FAM227A: variants seen among roughly 807,000 people sequenced by gnomAD.
The protein encoded by FAM227A is protein FAM227A.
A neutral mutation model predicts 74.7 loss-of-function variants in FAM227A; 80 were observed. The observed-to-expected ratio is 1.07, with a 90% CI of 0.89 to 1.29. The LOEUF (loss-of-function observed/expected upper bound fraction) is 1.29, where lower values mean the gene tolerates loss of function less well. Ranked by LOEUF, FAM227A falls within the 50% of genes most tolerant of loss-of-function variation. The pLI, the probability that FAM227A is intolerant of heterozygous loss-of-function variation, is 0.00. For synonymous variants in FAM227A, 237 were observed against 241.8 expected, an observed-to-expected ratio of 0.98 and a Z score of 0.19; for missense variants, 654 against 683.4, an observed-to-expected ratio of 0.96 and a Z score of 0.48.
At chr22:38,641,332 G>A (rs1217151548) in intron 3 of FAM227A, among the ~76,000 whole-genome samples, 1 of 152,106 alleles carries the variant, frequency 6.6e-6, no homozygotes, top group Non-Finnish European at 1.5e-5. Context: ...TTGCATTAGA[G>A]ATGCTTATTT....
At chr22:38,600,044 C>G (rs1303461751) in intron 13 of FAM227A, 123 bp from the exon 14 acceptor site, 1 of 929,964 alleles carries the variant, frequency 1.1e-6, no homozygotes, top group Non-Finnish European at 1.5e-6. Flanking sequence ...TAGGATGCAC[C>G]CTAAGAAAAT....
chr22:38,599,831 A>C lies in FAM227A; in HGVS notation c.1312T>G (p.Tyr438Asp). ...SPLIVYFLQN[Y>D]ASLQQHGKNV... Reference sequence around the variant, plus strand: ...TTGCCGTGCTGCTGCAGACTGGCATAGTTCTGGAGAAAGTACACAATCAGA... The same window carrying C: ...TTGCCGTGCTGCTGCAGACTGGCATCGTTCTGGAGAAAGTACACAATCAGA... Residue 438 changes from tyrosine to aspartate, a missense_variant, in exon 14 of 17, where the codon TAT becomes GAT. Transcript: ENST00000535113. 6.4e-7 allele frequency: 1 copy of C among 1,551,604 alleles called. No individual in the cohort carries two copies. Among genetic ancestry groups the C allele is most frequent in the African/African-American group, 1.4e-5 (1 of 73,142 alleles).
intron 11 of FAM227A, among the ~76,000 whole-genome samples, chr22:38,614,023 G>A (rs574343727): frequency 1.3e-5 from 2 of 152,236 alleles, no homozygotes; most frequent in Non-Finnish European, 2.9e-5. Context: ...ATGGCACCAC[G>A]CCCATCTAAT....
chr22:38,610,797 C>T (rs2091396760), intron 11 of FAM227A, among the ~76,000 whole-genome samples: 1 of 152,208 alleles, frequency 6.6e-6, no homozygotes, highest in Non-Finnish European at 1.5e-5. Context: ...CGCGGTGGCT[C>T]ACGCCTGCAA....
chr22:38,611,371 G>A (rs1359602741), intron 11 of FAM227A, among the ~76,000 whole-genome samples: 1 of 152,144 alleles, frequency 6.6e-6, no homozygotes, highest in Non-Finnish European at 1.5e-5. Flanking sequence ...GGAGGGAGCT[G>A]CGCAGACCTG....
intron 3 of FAM227A, among the ~76,000 whole-genome samples, chr22:38,641,674 G>A (rs1435060854): frequency 2.7e-5 from 4 of 149,742 alleles, no homozygotes; most frequent in African/African-American, 9.9e-5. Flanking sequence ...AGCCACCATC[G>A]AGAAGCAGGT....
intron 11 of FAM227A, 93 bp from the exon 12 acceptor site, chr22:38,607,569 A>G (rs1381818779): frequency 2.3e-6 from 2 of 854,450 alleles, no homozygotes; most frequent in Non-Finnish European, 3.8e-6. Context: ...AAAGTAATAC[A>G]TGCAATTTCT....
At chr22:38,626,877 A>AAAAAAAG (rs1357564509) in intron 8 of FAM227A, among the ~76,000 whole-genome samples, 1 of 104,486 alleles carries the variant, frequency 9.6e-6, no homozygotes, top group African/African-American at 4.1e-5. Flanking sequence ...AAAAAAAAAA[A>AAAAAAAG]AAAAAAAAAA....
At chr22:38,598,956 TC>T (rs1192977315) in intron 14 of FAM227A, among the ~76,000 whole-genome samples, 6 of 143,888 alleles carry the variant, frequency 4.2e-5, no homozygotes, top group Non-Finnish European at 9.2e-5. Flanking sequence ...TTGTTTTCTT[TC>T]TTTTTTTTTT....
At chr22:38,645,473 G>A (rs1360885055) in intron 3 of FAM227A, 90 bp downstream of exon 3, 2 of 728,496 alleles carry the variant, frequency 2.7e-6, no homozygotes, top group African/African-American at 3.7e-5. Context: ...CAAATAAATG[G>A]AGAGGCCCCA....
At chr22:38,612,142 T>A (rs1194190653) in intron 11 of FAM227A, among the ~76,000 whole-genome samples, 1 of 152,202 alleles carries the variant, frequency 6.6e-6, no homozygotes, top group Non-Finnish European at 1.5e-5. Flanking sequence ...GCCTCCCAGC[T>A]GGTCTTCTGT....
intron 16 of FAM227A, among the ~76,000 whole-genome samples, chr22:38,589,029 C>T (rs2090874225): frequency 6.6e-6 from 1 of 152,148 alleles, no homozygotes; most frequent in East Asian, 1.9e-4. Context: ...CCCCAGTACC[C>T]GTGAATAAGA....
intron 3 of FAM227A, among the ~76,000 whole-genome samples, chr22:38,641,512 T>C (rs1021438111): frequency 1.1e-3 from 159 of 146,942 alleles, no homozygotes; most frequent in Non-Finnish European, 1.7e-3. Flanking sequence ...GATCGCACCA[T>C]TGCACTCCAG....
chr22:38,636,429 G>A, intron 6 of FAM227A, 22 bp downstream of exon 6: 17 of 1,549,192 alleles, frequency 1.1e-5, no homozygotes, highest in Non-Finnish European at 1.5e-5. Flanking sequence ...CAAACTCAGG[G>A]CAGGCACTGC....
chr22:38,654,302 G>A (rs952735305), intron 1 of FAM227A, among the ~76,000 whole-genome samples: 2 of 151,376 alleles, frequency 1.3e-5, no homozygotes, highest in African/African-American at 2.4e-5. Context: ...GAGCCGGATC[G>A]CGCCACTGCA....
At chr22:38,626,437 T>TAG (rs2145586041) in intron 8 of FAM227A, 134 bp from the exon 9 acceptor site, 1 of 1,129,256 alleles carries the variant, frequency 8.9e-7, no homozygotes, top group Non-Finnish European at 1.2e-6. Flanking sequence ...AGGTTCTCAC[T>TAG]GTGTTACCCA....
At chr22:38,601,356 C>T (rs1481236307) in intron 13 of FAM227A, among the ~76,000 whole-genome samples, 1 of 150,740 alleles carries the variant, frequency 6.6e-6, no homozygotes, top group East Asian at 2.0e-4. Context: ...GGAGTTGTTC[C>T]TGGCTAAGAG....
intron 14 of FAM227A, 56 bp from the exon 15 acceptor site, chr22:38,597,412 T>C: frequency 2.0e-6 from 3 of 1,519,638 alleles, no homozygotes; most frequent in East Asian, 2.5e-5. Flanking sequence ...GACGCTGCAT[T>C]ATTAGTGGCA....
rs2090689880 is a variant in FAM227A at position 38,579,744 on chromosome 22, A to G, written c.*6381T>C. The G allele has an allele frequency of 6.6e-6, 1 of 152,168 alleles. No individual in the cohort carries two copies. Among genetic ancestry groups the G allele is most frequent in the Non-Finnish European group, 1.5e-5 (1 of 68,038 alleles). The allele number at this position is 152,168 out of a possible 1,614,324, so 9.4% of individuals were successfully genotyped here. A position where few individuals can be genotyped will look rare whatever the true frequency, so the allele number is the denominator to read the frequency against. ...TAATTCCATCTGTGAATATTTCAGT[A>G]TATATCTCTAAAATGTGATAACTCT... On this transcript the variant is annotated 3_prime_UTR_variant, in exon 17 of 17. Coordinates refer to ENST00000535113, the MANE Select transcript of FAM227A (RefSeq NM_001013647.2).
Sources: gnomAD v4.1 joint callset for allele counts (sites outside exome capture counted in the v4.1 genomes callset) on GRCh38, gnomAD v4.1.1 for gene constraint, MANE v1.5 for transcripts, NCBI Gene and HGNC (gene_info 2026-07-23, HGNC 2026-07-21) for gene names.